Variants in CRTC1 observed in about 807,000 individuals in gnomAD.
The protein encoded by CRTC1 is CREB regulated transcription coactivator 1.
In CRTC1, 18 loss-of-function variants were observed where a neutral mutation model predicts 66.1. The ratio of observed to expected loss-of-function variants is 0.27; its 90% CI spans 0.19 to 0.40. CRTC1 has a LOEUF of 0.40. CRTC1 is among the 10% of genes least tolerant of loss of function. CRTC1 has a pLI of 1.00. For missense variants in CRTC1, 669 were observed against 887.9 expected, an observed-to-expected ratio of 0.75 and a Z score of 3.13; for synonymous variants, 416 against 398.8, an observed-to-expected ratio of 1.04 and a Z score of -0.51.
At chr19:18,758,425 G>A (rs1201373153) in intron 6 of CRTC1, among the ~76,000 whole-genome samples, 1 of 151,702 alleles carries the variant, frequency 6.6e-6, no homozygotes, top group Non-Finnish European at 1.5e-5. Context: ...GAACTTCAAA[G>A]GCTCTGTGGG....
intron 1 of CRTC1, among the ~76,000 whole-genome samples, chr19:18,730,423 T>G (rs979437479): frequency 6.6e-6 from 1 of 151,998 alleles, no homozygotes; most frequent in African/African-American, 2.4e-5. Context: ...GCCTTCCGGG[T>G]AGGCCTGTCT....
chr19:18,716,278 A>C (rs182960289), intron 1 of CRTC1, among the ~76,000 whole-genome samples: 1 of 150,472 alleles, frequency 6.6e-6, no homozygotes, highest in Non-Finnish European at 1.5e-5. Flanking sequence ...TTTGAGACGC[A>C]ATCTTGCTCT....
chr19:18,691,834 C>T (rs879909442), intron 1 of CRTC1, among the ~76,000 whole-genome samples: 1 of 152,104 alleles, frequency 6.6e-6, no homozygotes, highest in Non-Finnish European at 1.5e-5. Flanking sequence ...CTGCCTCAGC[C>T]TCCCGAGTAA....
chr19:18,727,942 T>A (rs990433015), intron 1 of CRTC1, among the ~76,000 whole-genome samples: 1 of 152,094 alleles, frequency 6.6e-6, no homozygotes, highest in Non-Finnish European at 1.5e-5. Flanking sequence ...GCCAGGCTGA[T>A]CTCGAACTCA....
Position 18,773,503 on chromosome 19 carries a change from G to T in CRTC1, c.1426-1397G>T, listed in dbSNP as rs376678454. Reference sequence around the variant, plus strand: ...CAAGCCCTCAGGGACAGGATCAGGCGCTGTCCTGGAAGCCTGGTCCCACCC... The same window carrying T: ...CAAGCCCTCAGGGACAGGATCAGGCTCTGTCCTGGAAGCCTGGTCCCACCC... On this transcript the variant is annotated intron_variant, in intron 11 of 13. Coordinates refer to ENST00000321949, the MANE Select transcript of CRTC1 (RefSeq NM_015321.3). Among the ~76,000 whole-genome samples the T allele has an allele frequency of 1.4e-4, 22 of 152,128 alleles. No individual in the cohort carries two copies. The East Asian group carries it at 4.3e-3, about 29-fold the overall frequency.
chr19:18,758,482 T>C (rs2054543072), intron 6 of CRTC1, among the ~76,000 whole-genome samples: 1 of 152,120 alleles, frequency 6.6e-6, no homozygotes, highest in South Asian at 2.1e-4. Flanking sequence ...ATACACCATG[T>C]CCATGTCCCG....
intron 1 of CRTC1, among the ~76,000 whole-genome samples, chr19:18,686,770 T>C (rs981908848): frequency 5.3e-5 from 8 of 152,052 alleles, no homozygotes; most frequent in African/African-American, 1.9e-4. Flanking sequence ...CAGAGGTGAG[T>C]TCACACTAGA....
At chr19:18,739,918 T>C (rs1161490669) in intron 1 of CRTC1, among the ~76,000 whole-genome samples, 1 of 152,156 alleles carries the variant, frequency 6.6e-6, no homozygotes, top group East Asian at 1.9e-4. Context: ...AGCCGTTTTG[T>C]TCATGCTTAT....
chr19:18,761,812 G>T (rs2054620258), intron 8 of CRTC1, among the ~76,000 whole-genome samples: 1 of 152,100 alleles, frequency 6.6e-6, no homozygotes, highest in African/African-American at 2.4e-5. Context: ...GAATGTTCCT[G>T]GGTTTTTTGG....
intron 1 of CRTC1, among the ~76,000 whole-genome samples, chr19:18,699,024 G>A (rs1482330701): frequency 6.6e-6 from 1 of 152,016 alleles, no homozygotes; most frequent in Non-Finnish European, 1.5e-5. Context: ...TGCACAGTGT[G>A]TATTTAGCAG....
At chr19:18,708,183 G>A (rs557047134) in intron 1 of CRTC1, among the ~76,000 whole-genome samples, 38 of 152,298 alleles carry the variant, frequency 2.5e-4, no homozygotes, top group African/African-American at 8.9e-4. Context: ...AGGCAGGGAA[G>A]GAGGAAGGAG....
Position 18,772,419 on chromosome 19 carries a change from G to A in CRTC1, c.1425+873G>A, listed in dbSNP as rs545317894. On this transcript the variant is annotated intron_variant, in intron 11 of 13. Coordinates refer to ENST00000321949, the MANE Select transcript of CRTC1 (RefSeq NM_015321.3). Reference sequence around the variant, plus strand: ...CCTCCCCAGAACCCCGCTATCCTGGGACCATCTCATCCCTGAAATTTCACC... The same window carrying A: ...CCTCCCCAGAACCCCGCTATCCTGGAACCATCTCATCCCTGAAATTTCACC... 2.6e-5 allele frequency among the ~76,000 whole-genome samples: 4 copies of A among 152,230 alleles called. No individual in the cohort carries two copies. In the South Asian group the frequency reaches 8.3e-4, roughly 32 times the overall value.
chr19:18,764,403 G>A (rs1302560476), intron 8 of CRTC1, among the ~76,000 whole-genome samples: 1 of 152,250 alleles, frequency 6.6e-6, no homozygotes, highest in Non-Finnish European at 1.5e-5. Context: ...GTGGATGGGG[G>A]TCAGGCCAGG....
intron 3 of CRTC1, among the ~76,000 whole-genome samples, chr19:18,746,843 G>T (rs1230912631): frequency 6.6e-6 from 1 of 152,194 alleles, no homozygotes; most frequent in African/African-American, 2.4e-5. Context: ...GGTGGACAGG[G>T]CTGTACCCCT....
chr19:18,773,086 G>A (rs1345076849), intron 11 of CRTC1, among the ~76,000 whole-genome samples: 1 of 152,222 alleles, frequency 6.6e-6, no homozygotes, highest in Non-Finnish European at 1.5e-5. Flanking sequence ...GCGAGCAGGT[G>A]GCGGTGTTGT....
chr19:18,709,780 C>T lies in CRTC1; in HGVS notation c.126+25952C>T, dbSNP rs115071627. ...GAGCCCTAAAGTTAGGACCTGAGGGCTCCGAGGGCTGAGGCCGGGGACAGC... is the reference window on the plus strand; with the variant it reads ...GAGCCCTAAAGTTAGGACCTGAGGGTTCCGAGGGCTGAGGCCGGGGACAGC... On this transcript the variant is annotated intron_variant, in intron 1 of 13. Coordinates refer to ENST00000321949, the MANE Select transcript of CRTC1 (RefSeq NM_015321.3). 6.3e-3 allele frequency among the ~76,000 whole-genome samples: 963 copies of T among 152,276 alleles called. 18 individuals carry two copies. The highest frequency in any genetic ancestry group is 0.022 in the African/African-American group (894 of 41,550).
chr19:18,765,779 G>A (rs1263362857), intron 9 of CRTC1, among the ~76,000 whole-genome samples: 1 of 152,112 alleles, frequency 6.6e-6, no homozygotes, highest in Non-Finnish European at 1.5e-5. Context: ...TGGCCAACAT[G>A]GTGAAACCTC....
chr19:18,686,802 TCTCTTTCTGGGG>T (rs1160117397), intron 1 of CRTC1, among the ~76,000 whole-genome samples: 1 of 152,034 alleles, frequency 6.6e-6, no homozygotes, highest in Non-Finnish European at 1.5e-5. Context: ...AAAGCATTGT[TCTCTTTCTGGGG>T]CAGGGGGTGA....
At chr19:18,770,246 C>T (rs1276862110) in intron 10 of CRTC1, among the ~76,000 whole-genome samples, 1 of 152,260 alleles carries the variant, frequency 6.6e-6, no homozygotes, top group African/African-American at 2.4e-5. Flanking sequence ...CGACCTGCCT[C>T]TGAAAGTTCT....
Sources: allele counts gnomAD v4.1 joint callset (sites outside exome capture counted in the v4.1 genomes callset), GRCh38; gene constraint gnomAD v4.1.1; transcripts MANE v1.5; gene names NCBI Gene and HGNC (gene_info 2026-07-23, HGNC 2026-07-21).